Variants in EXOC4 observed in about 807,000 individuals in gnomAD.
EXOC4 encodes the protein exocyst complex component 4.
EXOC4 carries 71 observed loss-of-function variants against 107.2 expected under a neutral mutation model. That is an observed-to-expected ratio of 0.66 (90% CI 0.55 to 0.81). The LOEUF (loss-of-function observed/expected upper bound fraction) is 0.81. Among genes scored for constraint, EXOC4 ranks in the 30% least tolerant of loss-of-function variants. The probability of loss-of-function intolerance (pLI) is 0.00; values close to 1 mark genes in which losing one functional copy is unlikely to be tolerated. For synonymous variants in EXOC4, 456 were observed against 441.2 expected (o/e 1.03, Z -0.42); for missense variants, 1,108 against 1,189.6 (o/e 0.93, Z 1.01).
chr7:133,669,357 G>A (rs1333789515), intron 10 of EXOC4, among the ~76,000 whole-genome samples: 1 of 152,170 alleles, frequency 6.6e-6, no homozygotes. Context: ...CACATGGTGG[G>A]GGAAGCCATT....
intron 9 of EXOC4, among the ~76,000 whole-genome samples, chr7:133,569,877 T>G (rs2150958151): frequency 6.6e-6 from 1 of 152,346 alleles, no homozygotes. Flanking sequence ...TTCTATATTT[T>G]ACATCTCTGT....
intron 7 of EXOC4, among the ~76,000 whole-genome samples, chr7:133,411,025 A>C (rs1797343734): frequency 6.6e-6 from 1 of 152,138 alleles, no homozygotes; most frequent in Non-Finnish European, 1.5e-5. Flanking sequence ...ATTTTATTAA[A>C]GTTTAGGATA....
chr7:133,422,434 T>C (rs1245499745), intron 7 of EXOC4, among the ~76,000 whole-genome samples: 4 of 152,198 alleles, frequency 2.6e-5, no homozygotes, highest in African/African-American at 9.7e-5. Context: ...CCTTATATTA[T>C]ACAATAAAGA....
At chr7:133,526,799 G>A (rs896384473) in intron 9 of EXOC4, among the ~76,000 whole-genome samples, 4 of 151,908 alleles carry the variant, frequency 2.6e-5, no homozygotes, top group African/African-American at 9.7e-5. Context: ...GTGAAACCTC[G>A]CCTCCACTAA....
At chr7:133,446,678 A>T (rs1222192743) in intron 7 of EXOC4, among the ~76,000 whole-genome samples, 3 of 152,218 alleles carry the variant, frequency 2.0e-5, no homozygotes, top group African/African-American at 7.2e-5. Context: ...TTTAAAAAAT[A>T]TACTTTTAAT....
At chr7:133,490,424 T>C (rs1799350198) in intron 9 of EXOC4, among the ~76,000 whole-genome samples, 1 of 152,146 alleles carries the variant, frequency 6.6e-6, no homozygotes, top group Non-Finnish European at 1.5e-5. Context: ...GAGGCATCTA[T>C]AAGTATTTAA....
chr7:133,507,356 T>C (rs1422223534), intron 9 of EXOC4, among the ~76,000 whole-genome samples: 1 of 152,228 alleles, frequency 6.6e-6, no homozygotes, highest in Non-Finnish European at 1.5e-5. Flanking sequence ...ACATGACTGC[T>C]TTTCTTCTTA....
At chr7:133,764,628 C>T (rs1412333215) in intron 10 of EXOC4, among the ~76,000 whole-genome samples, 4 of 152,028 alleles carry the variant, frequency 2.6e-5, no homozygotes, top group African/African-American at 7.2e-5. Context: ...AACTTTATAT[C>T]TCATATATGC....
At chr7:133,622,183 C>T (rs1441492888) in intron 9 of EXOC4, among the ~76,000 whole-genome samples, 2 of 152,034 alleles carry the variant, frequency 1.3e-5, no homozygotes, top group Non-Finnish European at 2.9e-5. Context: ...TTACATTGCC[C>T]AGGCTGGTCT....
chr7:133,732,032 G>C (rs1178696823), intron 10 of EXOC4, among the ~76,000 whole-genome samples: 1 of 152,112 alleles, frequency 6.6e-6, no homozygotes, highest in African/African-American at 2.4e-5. Context: ...CAAAGACATG[G>C]AATCAACCCT....
chr7:133,489,170 A>C (rs528420529), intron 9 of EXOC4, among the ~76,000 whole-genome samples: 11 of 152,182 alleles, frequency 7.2e-5, no homozygotes, highest in Non-Finnish European at 1.2e-4. Context: ...CAAGGAAAAC[A>C]TCACCTCTGG....
rs1794344330 is a variant in EXOC4, at chr7:133,289,013, A to G, written c.368A>G (p.His123Arg). The G allele has an allele frequency of 6.2e-7, 1 of 1,614,234 alleles. No homozygotes were observed. The highest frequency in any genetic ancestry group is 8.5e-7 in the Non-Finnish European group (1 of 1,180,026). The change falls in exon 3 of 18, where the codon CAT (histidine) becomes CGT (arginine). Residue 123 changes from histidine to arginine, a missense_variant. Transcript: ENST00000253861. ...KLWIEGIEHKHVLNLLDEIEN... is the reference protein window; with the variant it reads ...KLWIEGIEHKRVLNLLDEIEN... ...TGGATTGAAGGAATTGAGCATAAGCATGTCCTGAACTTGTTGGATGAAATT... is the reference window on the plus strand; with the variant it reads ...TGGATTGAAGGAATTGAGCATAAGCGTGTCCTGAACTTGTTGGATGAAATT...
intron 10 of EXOC4, among the ~76,000 whole-genome samples, chr7:133,780,828 C>T (rs767925768): frequency 7.2e-5 from 11 of 152,174 alleles, no homozygotes; most frequent in Non-Finnish European, 1.5e-4. Context: ...AAAGGGGGCA[C>T]TTCCATGGCT....
intron 10 of EXOC4, among the ~76,000 whole-genome samples, chr7:133,711,242 T>C (rs966210725): frequency 6.6e-6 from 1 of 152,248 alleles, no homozygotes; most frequent in African/African-American, 2.4e-5. Context: ...GGCTTCTTTC[T>C]TATTGCTGTA....
chr7:133,392,061 A>T (rs963202362), intron 7 of EXOC4, among the ~76,000 whole-genome samples: 1 of 152,252 alleles, frequency 6.6e-6, no homozygotes, highest in African/African-American at 2.4e-5. Flanking sequence ...ACTGAATGTC[A>T]GGGAACATTT....
chr7:134,078,495 T>A, the EXOC4 span, among the ~76,000 whole-genome samples: 4 of 152,166 alleles, frequency 2.6e-5, no homozygotes, highest in South Asian at 2.1e-4. Context: ...TCTATTTCAG[T>A]ACCATTTATT....
chr7:134,090,199 A>C, the EXOC4 span, among the ~76,000 whole-genome samples: 2 of 152,208 alleles, frequency 1.3e-5, no homozygotes, highest in African/African-American at 4.8e-5. Context: ...GACAGACAGA[A>C]GATAAAGGAC....
rs768954387 is a variant in EXOC4, at chr7:133,997,546, A to C, written c.2261A>C (p.Glu754Ala). ...HTNTDLPPVS[E>A]QIMQTLSELA... ...AACACGGATCTCCCCCCAGTGTCAG[A>C]GCAGATCATGCAGACTCTCAGTGAA... is the stretch of plus-strand genomic sequence containing the variant. Residue 754 changes from glutamate (E) to alanine (A), a missense_variant, in exon 15 of 18, where the codon GAG becomes GCG. Transcript: ENST00000253861. The C allele has an allele frequency of 3.3e-5, 53 of 1,613,808 alleles. No individual in the cohort carries two copies. The highest frequency in any genetic ancestry group is 4.4e-5 in the Non-Finnish European group (52 of 1,179,810).
At chr7:133,527,420 AAAAT>A (rs773243397) in intron 9 of EXOC4, among the ~76,000 whole-genome samples, 1 of 152,126 alleles carries the variant, frequency 6.6e-6, no homozygotes, top group Non-Finnish European at 1.5e-5. Flanking sequence ...AAAATAAAAT[AAAAT>A]AAATAAAAAT....
Sources: allele counts gnomAD v4.1 joint callset (sites outside exome capture counted in the v4.1 genomes callset), GRCh38; gene constraint gnomAD v4.1.1; transcripts MANE v1.5; gene names NCBI Gene and HGNC (gene_info 2026-07-23, HGNC 2026-07-21).